The following NDRG2 variants were observed in gnomAD, a reference collection of about 807,000 sequenced individuals.
NDRG2 encodes the protein protein NDRG2.
Under a neutral mutation model 58.2 loss-of-function variants are expected in NDRG2, and 34 were observed. The observed-to-expected ratio is 0.58, with a 90% CI of 0.44 to 0.78. The LOEUF is 0.78. Ranked by LOEUF, NDRG2 falls within the 30% of genes least tolerant of loss-of-function variation. The pLI, the probability that NDRG2 is intolerant of heterozygous loss-of-function variation, is 0.00. For missense variants in NDRG2, 434 were observed against 471.2 expected, an observed-to-expected ratio of 0.92 and a Z score of 0.73; for synonymous variants, 187 against 175.9, an observed-to-expected ratio of 1.06 and a Z score of -0.50.
Position 21,070,359 on chromosome 14 carries a change from C to T in NDRG2, c.24+469G>A, listed in dbSNP as rs1465852940. 19 of 1,409,460 alleles carry T rather than the reference C, an allele frequency of 1.3e-5. No homozygotes were observed. The highest frequency in any genetic ancestry group is 1.7e-5 in the Non-Finnish European group (18 of 1,088,034). 87.3% of individuals were successfully genotyped at this position (1,409,460 alleles called of 1,614,324 possible). A position where few individuals can be genotyped will look rare whatever the true frequency, so the allele number is the denominator to read the frequency against. ...AGGCGGTGGCGCGCCCGGCCCCGCC[C>T]GCCCGACCAAGCGTCGGACGCGGCC... On this transcript the variant is annotated intron_variant, in intron 1 of 14. Transcript: ENST00000403829. The surrounding 1 kb of genome is among the most constrained non-coding windows in gnomAD (Gnocchi z 4.7).
chr14:21,052,070 T>C (rs1038050433), intron 1 of NDRG2, among the ~76,000 whole-genome samples: 9 of 152,344 alleles, frequency 5.9e-5, no homozygotes, highest in Non-Finnish European at 1.0e-4. Flanking sequence ...ATGTTTTTTC[T>C]TGTGTCACAC....
upstream of NDRG2, chr14:21,028,460 T>A (rs993363367): frequency 2.6e-5 from 4 of 152,084 alleles, no homozygotes; most frequent in African/African-American, 9.7e-5. Context: ...AAGGTCTCAC[T>A]TTGTTGGCCT....
intron 1 of NDRG2, among the ~76,000 whole-genome samples, chr14:21,041,154 T>C (rs1884878022): frequency 6.6e-6 from 1 of 152,104 alleles, no homozygotes; most frequent in East Asian, 1.9e-4. Context: ...CCACCATGCC[T>C]GGCTAATTTT....
chr14:21,033,355 C>T (rs76835023), intron 1 of NDRG2: 8,210 of 280,274 alleles, frequency 0.029, 245 homozygotes, highest in East Asian at 0.12. Flanking sequence ...GCCATATCCC[C>T]TGAGTAGGTG....
At chr14:21,019,798 T>A in intron 9 of NDRG2, 56 bp from the exon 10 acceptor site, 1 of 1,515,704 alleles carries the variant, frequency 6.6e-7, no homozygotes, top group South Asian at 1.1e-5. Flanking sequence ...CAACAATTAC[T>A]GGAGGAAAAG....
chr14:21,054,258 A>G (rs900631387), intron 1 of NDRG2, among the ~76,000 whole-genome samples: 1 of 152,146 alleles, frequency 6.6e-6, no homozygotes, highest in Non-Finnish European at 1.5e-5. Context: ...AAATAAGCAT[A>G]AATATTTCTA....
chr14:21,034,377 A>G (rs1359528568), intron 1 of NDRG2: 4 of 885,562 alleles, frequency 4.5e-6, no homozygotes, highest in Middle Eastern at 3.5e-4. Context: ...AGCATTCCCA[A>G]CCCAACAGTA....
In NDRG2 at chr14:21,018,747, A is replaced by C; in HGVS notation, c.813+16T>G. 1 of 1,614,038 alleles carries C rather than the reference A, an allele frequency of 6.2e-7. No individual in the cohort carries two copies. Among genetic ancestry groups the C allele is most frequent in the Non-Finnish European group, 8.5e-7 (1 of 1,179,992 alleles). On this transcript the variant is annotated intron_variant, in intron 12 of 15. Transcript: ENST00000556147. ...CCAACCCTCCTCCCTCACTCACCCC[A>C]AAATTCCCTACTAACCACTGCATCT...
At chr14:21,032,869 A>C (rs1566489041) in intron 1 of NDRG2, 8 of 441,852 alleles carry the variant, frequency 1.8e-5, no homozygotes, top group Non-Finnish European at 3.6e-5. Flanking sequence ...ACAGGAAGTT[A>C]CAAAAAATGG....
rs949917478 is a variant in NDRG2, at chr14:21,070,601, C to T, written c.24+227G>A. Among the ~76,000 whole-genome samples the T allele has an allele frequency of 3.9e-5, 6 of 152,190 alleles. No individual in the cohort carries two copies. The highest frequency in any genetic ancestry group is 1.4e-4 in the African/African-American group (6 of 41,530). ...CTGTCCCCACCGGGTATTGCCCTCA[C>T]CCTTTCTTCCTCCTCTCCTCCGCCT... On this transcript the variant is annotated intron_variant, in intron 1 of 14. Coordinates refer to the NDRG2 transcript ENST00000403829. This position sits in a 1 kb window ranked among gnomAD's most constrained non-coding sequence, Gnocchi z 4.7.
intron 1 of NDRG2, chr14:21,057,871 T>G: frequency 6.2e-7 from 1 of 1,604,572 alleles, no homozygotes; most frequent in Non-Finnish European, 8.5e-7. Context: ...CTCACTCTGT[T>G]CCACTGTCTC....
chr14:21,032,873 A>T (rs1340535137), intron 1 of NDRG2: 1 of 442,120 alleles, frequency 2.3e-6, no homozygotes, highest in East Asian at 7.0e-5. Flanking sequence ...GAAGTTACAA[A>T]AAATGGTACA....
rs186973954 is a variant in NDRG2, at chr14:21,070,385, C to G, written c.24+443G>C. 5.7e-5 allele frequency: 81 copies of G among 1,410,750 alleles called. No homozygotes were observed. The highest frequency in any genetic ancestry group is 7.0e-5 in the Non-Finnish European group (76 of 1,091,378). 87.4% of individuals were successfully genotyped at this position (1,410,750 alleles called of 1,614,324 possible). On this transcript the variant is annotated intron_variant, in intron 1 of 14. Coordinates refer to the NDRG2 transcript ENST00000403829. This position sits in a 1 kb window ranked among gnomAD's most constrained non-coding sequence, Gnocchi z 4.7. ...GCCCGACCAAGCGTCGGACGCGGCCCGGCGCCGAGCCATGGTGAGTCCAGC... is the reference window on the plus strand; with the variant it reads ...GCCCGACCAAGCGTCGGACGCGGCCGGGCGCCGAGCCATGGTGAGTCCAGC...
At chr14:21,059,137 C>G (rs1234621970) in intron 1 of NDRG2, among the ~76,000 whole-genome samples, 2 of 152,116 alleles carry the variant, frequency 1.3e-5, no homozygotes, top group East Asian at 3.9e-4. Context: ...GAGGCCTGAC[C>G]CCCTTGTGTG....
upstream of NDRG2, among the ~76,000 whole-genome samples, chr14:21,026,687 TCCCCCTACATCC>T (rs556902574): frequency 1.3e-5 from 2 of 151,880 alleles, no homozygotes; most frequent in South Asian, 4.2e-4. Flanking sequence ...TCTAAGGAGC[TCCCCCTACATCC>T]CCCAATTTGG....
rs745708153 is a variant in NDRG2 at position 21,020,540 on chromosome 14, T to C, written c.511A>G (p.Ile171Val). 2.3e-5 allele frequency: 37 copies of C among 1,613,638 alleles called. No individual in the cohort carries two copies. The highest frequency in any genetic ancestry group is 3.0e-5 in the Non-Finnish European group (35 of 1,179,952). The change falls in exon 8 of 16, where the codon ATT becomes GTT. Residue 171 changes from isoleucine (I) to valine (V), a missense_variant. Physicochemically the swap from Ile to Val is conservative, Grantham distance 29. Coordinates refer to ENST00000556147, the MANE Select transcript of NDRG2 (RefSeq NM_001320329.2). ...DTVEGLVLIN[I>V]DPNAKGWMDW... Reference sequence around the variant, plus strand: ...ATCCAACCCTTGGCATTGGGATCAATGTTGATGAGGACAAGACCTTCAACA... The same window carrying C: ...ATCCAACCCTTGGCATTGGGATCAACGTTGATGAGGACAAGACCTTCAACA...
chr14:21,048,688 A>G (rs1344988150), intron 1 of NDRG2, among the ~76,000 whole-genome samples: 2 of 152,240 alleles, frequency 1.3e-5, no homozygotes, highest in African/African-American at 4.8e-5. Flanking sequence ...AGTGACTAGC[A>G]TGTAGGGAAA....
chr14:21,053,215 G>A (rs1337693664), intron 1 of NDRG2, among the ~76,000 whole-genome samples: 2 of 152,148 alleles, frequency 1.3e-5, no homozygotes, highest in Non-Finnish European at 2.9e-5. Context: ...AGGTGCATTG[G>A]CTCACACCTG....
intron 1 of NDRG2, among the ~76,000 whole-genome samples, chr14:21,052,675 A>G (rs1216099059): frequency 6.6e-6 from 1 of 152,214 alleles, no homozygotes; most frequent in African/African-American, 2.4e-5. Flanking sequence ...GAAGGCTTTG[A>G]TTCCAGGCTG....
Sources: gnomAD v4.1 joint callset for allele counts (sites outside exome capture counted in the v4.1 genomes callset) on GRCh38, gnomAD v4.1.1 for gene constraint, Gnocchi (gnomAD v3.1) non-coding constraint, MANE v1.5 for transcripts, NCBI Gene and HGNC (gene_info 2026-07-23, HGNC 2026-07-21) for gene names.